The following RANBP17 variants were observed in gnomAD, a reference collection of about 807,000 sequenced individuals.
RANBP17 encodes the protein ran-binding protein 17.
RANBP17 carries 158 observed loss-of-function variants against 141.2 expected under a neutral mutation model. That is an observed-to-expected ratio of 1.12 (90% CI 0.98 to 1.28). The LOEUF (loss-of-function observed/expected upper bound fraction) is 1.28, where lower values mean the gene tolerates loss of function less well. RANBP17 is among the 50% of genes most tolerant of loss of function. The pLI is 0.00. For synonymous variants in RANBP17, 430 were observed against 450.0 expected (o/e 0.96, Z 0.56); for missense variants, 1,438 against 1,290.7 (o/e 1.11, Z -1.75).
chr5:171,095,167 G>A (rs75552009), intron 14 of RANBP17, among the ~76,000 whole-genome samples: 4 of 152,232 alleles, frequency 2.6e-5, no homozygotes, highest in East Asian at 1.9e-4. Context: ...AACAGAAAAC[G>A]GACTAAGAGA....
intron 14 of RANBP17, among the ~76,000 whole-genome samples, chr5:171,131,339 C>G (rs189838711): frequency 1.3e-5 from 2 of 152,254 alleles, no homozygotes; most frequent in South Asian, 2.1e-4. Flanking sequence ...CCAGAAATAG[C>G]TTGCAAATAA....
At chr5:170,950,399 TAACTC>T (rs556614659) in intron 12 of RANBP17, among the ~76,000 whole-genome samples, 1,544 of 149,778 alleles carry the variant, frequency 0.01, 16 homozygotes, top group Non-Finnish European at 0.015. Context: ...AAAAAAAAAA[TAACTC>T]AAATAAGTGG....
At chr5:170,971,112 A>G (rs962128993) in intron 14 of RANBP17, among the ~76,000 whole-genome samples, 4 of 152,218 alleles carry the variant, frequency 2.6e-5, no homozygotes, top group Admixed American at 2.0e-4. Context: ...TTCAGCAGTT[A>G]TAAATAAGGT....
intron 14 of RANBP17, among the ~76,000 whole-genome samples, chr5:171,016,728 C>T (rs10475969): frequency 0.61 from 92,941 of 151,684 alleles, 29,796 homozygotes; most frequent in South Asian, 0.88. Context: ...TTAGTTGTAC[C>T]TCTGTTTTAT....
At chr5:171,229,662 C>G (rs1289846110) in intron 22 of RANBP17, among the ~76,000 whole-genome samples, 1 of 149,246 alleles carries the variant, frequency 6.7e-6, no homozygotes, top group African/African-American at 2.5e-5. Context: ...CCCAAAGTGC[C>G]AGGATTACAG....
At chr5:171,010,947 C>T (rs1427206082) in intron 14 of RANBP17, among the ~76,000 whole-genome samples, 2 of 151,972 alleles carry the variant, frequency 1.3e-5, no homozygotes, top group Non-Finnish European at 2.9e-5. Flanking sequence ...ATTGCAGGCC[C>T]ACAGGATTTC....
chr5:171,016,731 T>C (rs975968813), intron 14 of RANBP17, among the ~76,000 whole-genome samples: 20 of 152,120 alleles, frequency 1.3e-4, no homozygotes, highest in Non-Finnish European at 8.8e-5. Context: ...GTTGTACCTC[T>C]GTTTTATTTG....
At chr5:171,048,451 G>T (rs1782736456) in intron 14 of RANBP17, among the ~76,000 whole-genome samples, 1 of 151,592 alleles carries the variant, frequency 6.6e-6, no homozygotes, top group Non-Finnish European at 1.5e-5. Context: ...AATTATTACT[G>T]ATGCTTGGAT....
chr5:171,094,780 T>A (rs75757727), intron 14 of RANBP17, among the ~76,000 whole-genome samples: 99 of 152,352 alleles, frequency 6.5e-4, no homozygotes, highest in Admixed American at 2.3e-3. Context: ...CATTTTGTGC[T>A]ATCTAATTGC....
At chr5:171,102,418 C>G (rs1442805120) in intron 14 of RANBP17, among the ~76,000 whole-genome samples, 1 of 151,888 alleles carries the variant, frequency 6.6e-6, no homozygotes, top group Non-Finnish European at 1.5e-5. Context: ...TCACAAACTT[C>G]TCGTGCTGTT....
At chr5:171,005,610 C>T (rs1327015369) in intron 14 of RANBP17, among the ~76,000 whole-genome samples, 4 of 152,310 alleles carry the variant, frequency 2.6e-5, no homozygotes, top group East Asian at 1.9e-4. Context: ...GGATTAAAGA[C>T]TTACATGTTA....
At chr5:171,191,109 A>C (rs144249095) in intron 18 of RANBP17, among the ~76,000 whole-genome samples, 1 of 152,190 alleles carries the variant, frequency 6.6e-6, no homozygotes, top group Non-Finnish European at 1.5e-5. Flanking sequence ...CACAGTATCC[A>C]TATACTTTGG....
At chr5:171,241,205 G>A in intron 23 of RANBP17, 63 bp downstream of exon 23, 2 of 1,241,786 alleles carry the variant, frequency 1.6e-6, no homozygotes, top group Non-Finnish European at 2.3e-6. Context: ...CCACAGGCCT[G>A]GAAGTGTTAT....
intron 14 of RANBP17, among the ~76,000 whole-genome samples, chr5:170,996,998 T>A (rs987311862): frequency 5.3e-5 from 8 of 152,134 alleles, no homozygotes; most frequent in African/African-American, 1.7e-4. Context: ...TGAATCATAA[T>A]CGTCATGTGT....
At chr5:171,157,097 G>A (rs975225706) in intron 14 of RANBP17, among the ~76,000 whole-genome samples, 1 of 152,190 alleles carries the variant, frequency 6.6e-6, no homozygotes, top group African/African-American at 2.4e-5. Context: ...TAAGCTAACT[G>A]TCTGTCAGTA....
At chr5:171,177,807 C>G (rs1184439054) in intron 16 of RANBP17, among the ~76,000 whole-genome samples, 2 of 152,032 alleles carry the variant, frequency 1.3e-5, no homozygotes, top group African/African-American at 4.8e-5. Context: ...TTAGTATTTG[C>G]TGGTCCTGTC....
intron 22 of RANBP17, among the ~76,000 whole-genome samples, chr5:171,223,731 T>C (rs1237303442): frequency 6.6e-6 from 1 of 152,214 alleles, no homozygotes; most frequent in Non-Finnish European, 1.5e-5. Context: ...AAATACAATT[T>C]GCCATACTTT....
chr5:170,881,384 G>A (rs115358379), intron 2 of RANBP17, among the ~76,000 whole-genome samples: 1,773 of 152,250 alleles, frequency 0.012, 32 homozygotes, highest in African/African-American at 0.041. Flanking sequence ...CAAGGAACAC[G>A]GAGGTCAGGG....
intron 14 of RANBP17, among the ~76,000 whole-genome samples, chr5:171,005,138 C>T (rs576994521): frequency 1.3e-5 from 2 of 151,920 alleles, no homozygotes; most frequent in South Asian, 2.1e-4. Flanking sequence ...AAGAATAAGG[C>T]GGCCTTTATC....
Sources: allele counts gnomAD v4.1 joint callset (sites outside exome capture counted in the v4.1 genomes callset), GRCh38; gene constraint gnomAD v4.1.1; transcripts MANE v1.5; gene names NCBI Gene and HGNC (gene_info 2026-07-23, HGNC 2026-07-21).